Variants in NPHP1 observed in about 807,000 individuals in gnomAD.
NPHP1 encodes the protein nephrocystin-1.
In NPHP1, 70 loss-of-function variants were observed where a neutral mutation model predicts 90.4. That is an observed-to-expected ratio of 0.77 (90% CI 0.64 to 0.95). The LOEUF is 0.95. Ranked by LOEUF, NPHP1 falls within the 40% of genes least tolerant of loss-of-function variation. NPHP1 has a pLI of 0.00. For synonymous variants in NPHP1, 256 were observed against 271.7 expected (o/e 0.94, Z 0.57); for missense variants, 764 against 795.9 (o/e 0.96, Z 0.48).
chr2:110,172,002 T>C (rs79743509), intron 4 of NPHP1, among the ~76,000 whole-genome samples: 2,035 of 152,280 alleles, frequency 0.013, 49 homozygotes, highest in African/African-American at 0.046. Flanking sequence ...ATGTTTACAA[T>C]AAATTCACCA....
chr2:110,188,124 C>T (rs1305707859), intron 2 of NPHP1, among the ~76,000 whole-genome samples: 3 of 152,160 alleles, frequency 2.0e-5, no homozygotes, highest in Non-Finnish European at 4.4e-5. Context: ...GATGCCCTCC[C>T]TCATTGCTCC....
intron 2 of NPHP1, among the ~76,000 whole-genome samples, chr2:110,183,643 C>T (rs1684069509): frequency 6.6e-6 from 1 of 152,122 alleles, no homozygotes; most frequent in Non-Finnish European, 1.5e-5. Flanking sequence ...CTCGGCAACC[C>T]AGATTCATAC....
At chr2:110,154,563 G>A (rs555384133) in intron 11 of NPHP1, among the ~76,000 whole-genome samples, 1 of 152,252 alleles carries the variant, frequency 6.6e-6, no homozygotes, top group East Asian at 1.9e-4. Flanking sequence ...TGCTGATAGT[G>A]ATATGAACAA....
At chr2:110,199,180 C>T (rs972857221) in intron 2 of NPHP1, among the ~76,000 whole-genome samples, 3 of 152,042 alleles carry the variant, frequency 2.0e-5, no homozygotes, top group Admixed American at 6.5e-5. Context: ...CTCACGTAAT[C>T]CCAGCACTTT....
chr2:110,195,978 C>A (rs183982335), intron 2 of NPHP1, among the ~76,000 whole-genome samples: 26 of 152,214 alleles, frequency 1.7e-4, no homozygotes, highest in African/African-American at 6.3e-4. Context: ...TGGATGCCTT[C>A]CTTACACCTT....
chr2:110,146,047 A>G (rs976490393), intron 14 of NPHP1, among the ~76,000 whole-genome samples: 1 of 152,194 alleles, frequency 6.6e-6, no homozygotes, highest in Non-Finnish European at 1.5e-5. Context: ...ATGTTAAGAA[A>G]TCCACCTACA....
chr2:110,126,537 G>A (rs909956730), intron 18 of NPHP1: 3 of 152,544 alleles, frequency 2.0e-5, no homozygotes, highest in African/African-American at 4.8e-5. Context: ...ATTACCACGT[G>A]AGGGGACTAT....
chr2:110,165,761 G>A (rs1682684339), intron 6 of NPHP1, among the ~76,000 whole-genome samples: 1 of 151,658 alleles, frequency 6.6e-6, no homozygotes, highest in Non-Finnish European at 1.5e-5. Flanking sequence ...AGAAATCAAT[G>A]AAAGAGTTTT....
chr2:110,161,829 C>A, intron 9 of NPHP1, 132 bp from the exon 10 acceptor site: 17 of 636,666 alleles, frequency 2.7e-5, no homozygotes, highest in East Asian at 5.7e-5. Context: ...ACTTGCTTTC[C>A]AAAATAGAAG....
intron 2 of NPHP1, among the ~76,000 whole-genome samples, chr2:110,188,982 T>C (rs772631132): frequency 3.3e-5 from 5 of 152,022 alleles, no homozygotes; most frequent in Non-Finnish European, 5.9e-5. Flanking sequence ...CCATACACCA[T>C]ATACAAAAAT....
intron 2 of NPHP1, among the ~76,000 whole-genome samples, chr2:110,186,846 AAAAG>A (rs59551307): frequency 1.3e-5 from 2 of 152,096 alleles, no homozygotes; most frequent in Non-Finnish European, 2.9e-5. Context: ...ACATTTAAAA[AAAAG>A]AAAGAAAGAA....
rs113450177 is a variant in NPHP1 at position 110,165,091 on chromosome 2, G to A, written c.689C>T (p.Ala230Val). 2.0e-3 allele frequency: 3,169 copies of A among 1,613,368 alleles called. 61 individuals carry two copies. In the African/African-American group the frequency reaches 0.037, roughly 19 times the overall value. Residue 230 changes from alanine to valine, a missense_variant, in exon 7 of 20, where the codon GCG (alanine) becomes GTG (valine). Physicochemically the swap from Ala to Val is moderately conservative, Grantham distance 64. Transcript: ENST00000445609. ...SEEGSEEDVE[A>V]VDETADGAEV... is the part of the protein sequence containing the mutation. ...TGCTCCATCTGCTGTTTCATCCACC[G>A]CCTCTACATCTTCTTCACTGCCCTC...
chr2:110,123,430 A>C lies in NPHP1; in HGVS notation c.*361T>G, dbSNP rs937996482. 2.6e-5 allele frequency: 5 copies of C among 192,354 alleles called. No homozygotes were observed. Among genetic ancestry groups the C allele is most frequent in the African/African-American group, 9.5e-5 (4 of 42,052 alleles). 11.9% of individuals were successfully genotyped at this position (192,354 alleles called of 1,614,324 possible). On this transcript the variant is annotated 3_prime_UTR_variant, in exon 20 of 20. Transcript: ENST00000445609. Reference sequence around the variant, plus strand: ...GACCTTTATCAGTTAGATGATTTGCAAATATGTTTTCCCATTCTGTAGGTT... The same window carrying C: ...GACCTTTATCAGTTAGATGATTTGCCAATATGTTTTCCCATTCTGTAGGTT...
chr2:110,184,478 G>T, intron 2 of NPHP1: 1 of 840,692 alleles, frequency 1.2e-6, no homozygotes, highest in Non-Finnish European at 1.9e-6. Flanking sequence ...TCATCTCCAT[G>T]TAAGCTGTGC....
At chr2:110,184,850 C>T in intron 2 of NPHP1, 2 of 703,158 alleles carry the variant, frequency 2.8e-6, no homozygotes, top group South Asian at 2.7e-5. Flanking sequence ...ATTCCGGGCC[C>T]CTGAGCTGCT....
intron 3 of NPHP1, chr2:110,178,798 C>A: frequency 2.4e-6 from 1 of 412,964 alleles, no homozygotes. Context: ...TATTATAGAC[C>A]TTCCATAGTC....
chr2:110,162,950 ATCT>A (rs765268823), intron 9 of NPHP1, 95 bp downstream of exon 9: 2 of 792,744 alleles, frequency 2.5e-6, no homozygotes, highest in East Asian at 2.6e-5. Flanking sequence ...GAGATTCAAC[ATCT>A]TCTTCAACAA....
intron 18 of NPHP1, chr2:110,127,005 A>T (rs1679416384): frequency 6.6e-6 from 1 of 152,564 alleles, no homozygotes; most frequent in Admixed American, 6.5e-5. Context: ...TTACCTCACC[A>T]AGATCCACTT....
chr2:110,178,791 T>C (rs891990494), intron 3 of NPHP1: 26 of 456,872 alleles, frequency 5.7e-5, no homozygotes, highest in Middle Eastern at 6.0e-4. Context: ...TGCTAAGTAT[T>C]ATAGACCTTC....
Sources: gnomAD v4.1 joint callset for allele counts (sites outside exome capture counted in the v4.1 genomes callset) on GRCh38, gnomAD v4.1.1 for gene constraint, MANE v1.5 for transcripts, NCBI Gene and HGNC (gene_info 2026-07-23, HGNC 2026-07-21) for gene names.